The following CAMK2A variants were observed in gnomAD, a reference collection of about 807,000 sequenced individuals.
CAMK2A encodes the protein calcium/calmodulin dependent protein kinase II alpha, also known as calcium/calmodulin-dependent protein kinase type II subunit alpha.
CAMK2A carries 7 observed loss-of-function variants against 79.2 expected under a neutral mutation model. That is an observed-to-expected ratio of 0.09 (90% confidence interval 0.05 to 0.17). The LOEUF (loss-of-function observed/expected upper bound fraction) is 0.17, where lower values mean the gene tolerates loss of function less well. Ranked by LOEUF, CAMK2A falls within the 10% of genes least tolerant of loss-of-function variation. The probability of loss-of-function intolerance (pLI) is 1.00; values close to 1 mark genes in which losing one functional copy is unlikely to be tolerated. For synonymous variants in CAMK2A, 242 were observed against 251.7 expected (o/e 0.96, Z 0.36); for missense variants, 214 against 646.4 (o/e 0.33, Z 7.25).
chr5:150,282,145 C>T (rs1160199597), intron 1 of CAMK2A, among the ~76,000 whole-genome samples: 1 of 152,174 alleles, frequency 6.6e-6, no homozygotes, highest in African/African-American at 2.4e-5. Context: ...CCTGAGGCTG[C>T]AGCCACCCAC....
At chr5:150,224,137 A>G (rs1754483937) in intron 17 of CAMK2A, among the ~76,000 whole-genome samples, 1 of 152,206 alleles carries the variant, frequency 6.6e-6, no homozygotes, top group East Asian at 1.9e-4. Flanking sequence ...CTTCCACCAG[A>G]TGAAACATGA....
In CAMK2A at chr5:150,223,379, A is replaced by G. The variant is rs1342995734; in HGVS notation, c.1238-162T>C. ...GGCAGGACTCAGCTACCTGGGATCA[A>G]GGTAGAACTTCTAGATGATGGGGAC... On this transcript the variant is annotated intron_variant, in intron 17 of 18. Coordinates refer to ENST00000671881, the MANE Select transcript of CAMK2A (RefSeq NM_015981.4). This position sits in a 1 kb window ranked among gnomAD's most constrained non-coding sequence, Gnocchi z 4.1. 2.0e-5 allele frequency among the ~76,000 whole-genome samples: 3 copies of G among 152,238 alleles called. No homozygotes were observed. Among genetic ancestry groups the G allele is most frequent in the African/African-American group, 7.2e-5 (3 of 41,468 alleles).
intron 17 of CAMK2A, among the ~76,000 whole-genome samples, chr5:150,225,051 AGAGAGAGAGAGAGAGAGAGAGAAAGT>A (rs1223886831): frequency 6.6e-6 from 1 of 150,916 alleles, no homozygotes; most frequent in African/African-American, 2.4e-5. Context: ...GGAGAGAGAG[AGAGAGAGAGAGAGAGAGAGAGAAAGT>A]GAGAGAGAGA....
At chr5:150,232,737 G>A (rs1371147019) in intron 15 of CAMK2A, among the ~76,000 whole-genome samples, 2 of 152,200 alleles carry the variant, frequency 1.3e-5, no homozygotes, top group Non-Finnish European at 2.9e-5. Flanking sequence ...CCTAGCAGAG[G>A]CCCTCACCAG....
intron 12 of CAMK2A, among the ~76,000 whole-genome samples, chr5:150,247,238 C>T (rs904923262): frequency 4.6e-5 from 7 of 152,266 alleles, no homozygotes; most frequent in Non-Finnish European, 1.0e-4. Context: ...GTGCTGAATG[C>T]AGGCTCTGCC....
chr5:150,239,611 G>T, intron 14 of CAMK2A, 93 bp downstream of exon 14: 1 of 1,191,952 alleles, frequency 8.4e-7, no homozygotes. Context: ...CCCTCTCCCC[G>T]CCCCAGGTTC....
Position 150,228,175 on chromosome 5 carries a change from G to C in CAMK2A, c.1237+17C>G, listed in dbSNP as rs367981515. ...GAGAGCAGACAACAGGCACCACAGA[G>C]AGAAGGAATTGCTCACGGTTTTCAA... On this transcript the variant is annotated intron_variant, in intron 17 of 18. Transcript: ENST00000671881. 19 of 1,598,520 alleles carry C rather than the reference G, an allele frequency of 1.2e-5. No homozygotes were observed. The African/African-American group carries it at 2.6e-4, about 21-fold the overall frequency.
intron 1 of CAMK2A, among the ~76,000 whole-genome samples, chr5:150,285,808 A>C (rs1406523990): frequency 6.6e-6 from 1 of 151,302 alleles, no homozygotes; most frequent in East Asian, 1.9e-4. Context: ...TCCTTCAGAG[A>C]CTCTTCCTAT....
At chr5:150,257,707 C>T in intron 3 of CAMK2A, 90 bp from the exon 4 acceptor site, 3 of 992,466 alleles carry the variant, frequency 3.0e-6, no homozygotes, top group African/African-American at 1.6e-5. Context: ...ATATCCAACA[C>T]CCCCCGCTCC....
chr5:150,250,598 T>G, intron 10 of CAMK2A, 90 bp downstream of exon 10: 3 of 1,530,092 alleles, frequency 2.0e-6, no homozygotes, highest in Non-Finnish European at 2.7e-6. Context: ...CTTGGCCCCA[T>G]GGGCCAGGGG....
At chr5:150,261,417 A>G (rs1756300543) in intron 3 of CAMK2A, among the ~76,000 whole-genome samples, 1 of 152,214 alleles carries the variant, frequency 6.6e-6, no homozygotes, top group African/African-American at 2.4e-5. Context: ...TTCAAGGGCC[A>G]TAGGCTATCA....
intron 15 of CAMK2A, among the ~76,000 whole-genome samples, chr5:150,236,843 G>A (rs1158906604): frequency 6.6e-6 from 1 of 152,174 alleles, no homozygotes; most frequent in Non-Finnish European, 1.5e-5. Flanking sequence ...CCCTACCAGG[G>A]AATTCTTCAA....
chr5:150,277,091 G>A (rs1756981482), intron 1 of CAMK2A, among the ~76,000 whole-genome samples: 1 of 152,190 alleles, frequency 6.6e-6, no homozygotes, highest in South Asian at 2.1e-4. Flanking sequence ...GTACACATCT[G>A]TGGTCCCAGC....
chr5:150,231,450 G>T, intron 15 of CAMK2A, 70 bp from the exon 16 acceptor site: 1 of 679,272 alleles, frequency 1.5e-6, no homozygotes, highest in Non-Finnish European at 2.1e-6. Context: ...TAATAGTGAT[G>T]GTAATGAAGC....
chr5:150,230,466 A>T (rs189943959), intron 16 of CAMK2A, among the ~76,000 whole-genome samples: 2 of 152,302 alleles, frequency 1.3e-5, no homozygotes, highest in Admixed American at 1.3e-4. Flanking sequence ...GCCCAACTCA[A>T]TTTAACCCAA....
chr5:150,240,862 G>A (rs1755305347), intron 13 of CAMK2A, among the ~76,000 whole-genome samples: 1 of 152,220 alleles, frequency 6.6e-6, no homozygotes, highest in South Asian at 2.1e-4. Context: ...ATACCAGAGA[G>A]GCCAGGAGGC....
At chr5:150,287,935 CTCTG>C (rs1333312870) in intron 1 of CAMK2A, among the ~76,000 whole-genome samples, 1 of 114,390 alleles carries the variant, frequency 8.7e-6, no homozygotes, top group African/African-American at 3.6e-5. Flanking sequence ...GTAGGATAGC[CTCTG>C]TGTGTGTGTG....
intron 6 of CAMK2A, 150 bp from the exon 7 acceptor site, chr5:150,253,696 G>C (rs943030979): frequency 1.1e-5 from 7 of 654,842 alleles, no homozygotes; most frequent in South Asian, 1.8e-5. Flanking sequence ...CCCGCCTCAG[G>C]CTCCTGAGTC....
At chr5:150,260,416 G>A (rs1462150053) in intron 3 of CAMK2A, among the ~76,000 whole-genome samples, 3 of 149,186 alleles carry the variant, frequency 2.0e-5, no homozygotes, top group African/African-American at 7.4e-5. Flanking sequence ...TCGAGATCAC[G>A]CTACTGCACT....
Sources: allele counts gnomAD v4.1 joint callset (sites outside exome capture counted in the v4.1 genomes callset), GRCh38; gene constraint gnomAD v4.1.1; non-coding constraint Gnocchi (gnomAD v3.1); transcripts MANE v1.5; gene names NCBI Gene and HGNC (gene_info 2026-07-23, HGNC 2026-07-21).